HDAC9: variants seen among roughly 807,000 people sequenced by gnomAD.
HDAC9 encodes histone deacetylase 9.
Under a neutral mutation model 139.4 loss-of-function variants are expected in HDAC9, and 41 were observed. The ratio of observed to expected loss-of-function variants is 0.29; its 90% CI spans 0.23 to 0.38. The LOEUF (loss-of-function observed/expected upper bound fraction) is 0.38. Ranked by LOEUF, HDAC9 falls within the 10% of genes least tolerant of loss-of-function variation. The pLI, the probability that HDAC9 is intolerant of heterozygous loss-of-function variation, is 1.00. For synonymous variants in HDAC9, 517 were observed against 476.2 expected, an observed-to-expected ratio of 1.09 and a Z score of -1.12; for missense variants, 1,147 against 1,297.0, an observed-to-expected ratio of 0.88 and a Z score of 1.78.
At chr7:18,335,703 C>A (rs181476223) in intron 1 of HDAC9, among the ~76,000 whole-genome samples, 4 of 151,672 alleles carry the variant, frequency 2.6e-5, no homozygotes, top group Admixed American at 2.0e-4. Flanking sequence ...TGTTTAGAAT[C>A]TCTTTCTCAT....
intron 2 of HDAC9, among the ~76,000 whole-genome samples, chr7:18,566,386 C>A (rs1043457851): frequency 6.6e-6 from 1 of 152,178 alleles, no homozygotes; most frequent in Non-Finnish European, 1.5e-5. Flanking sequence ...GTACCTCTCC[C>A]TTTCTTTACA....
chr7:18,950,866 C>T (rs573961174), intron 23 of HDAC9, among the ~76,000 whole-genome samples: 21 of 151,912 alleles, frequency 1.4e-4, no homozygotes, highest in Non-Finnish European at 2.8e-4. Flanking sequence ...ATTTGGGAAA[C>T]GTCAACACAT....
chr7:18,218,091 T>A (rs116156261), intron 2 of HDAC9, among the ~76,000 whole-genome samples: 1,972 of 152,162 alleles, frequency 0.013, 47 homozygotes, highest in African/African-American at 0.045. Context: ...TGCTGCAGAG[T>A]GAGTGATCCA....
chr7:18,551,841 T>C (rs1372122426), intron 2 of HDAC9, among the ~76,000 whole-genome samples: 1 of 152,222 alleles, frequency 6.6e-6, no homozygotes, highest in African/African-American at 2.4e-5. Context: ...TGAATTTCCT[T>C]GAGCCGTTAT....
chr7:18,697,093 C>G (rs1207509643), intron 12 of HDAC9, among the ~76,000 whole-genome samples: 1 of 152,094 alleles, frequency 6.6e-6, no homozygotes, highest in Non-Finnish European at 1.5e-5. Flanking sequence ...TAAACGATGC[C>G]TGAGGAACGC....
At chr7:18,786,809 T>C (rs1791851019) in intron 16 of HDAC9, among the ~76,000 whole-genome samples, 1 of 93,090 alleles carries the variant, frequency 1.1e-5, no homozygotes, top group East Asian at 2.2e-4. Context: ...CCTTCCTTCC[T>C]TCCTTCCTTC....
chr7:18,598,230 A>G (rs190741154), intron 6 of HDAC9, among the ~76,000 whole-genome samples: 2 of 152,300 alleles, frequency 1.3e-5, no homozygotes, highest in East Asian at 3.9e-4. Context: ...GATATCATTA[A>G]AGATGGCTTA....
At chr7:18,880,747 A>C (rs1032134603) in intron 22 of HDAC9, among the ~76,000 whole-genome samples, 4 of 151,576 alleles carry the variant, frequency 2.6e-5, no homozygotes, top group African/African-American at 9.7e-5. Flanking sequence ...AACCTGTGAC[A>C]TGAATTTACC....
chr7:18,509,756 T>A (rs1441523213), intron 2 of HDAC9, among the ~76,000 whole-genome samples: 1 of 152,122 alleles, frequency 6.6e-6, no homozygotes, highest in East Asian at 1.9e-4. Flanking sequence ...ATTTTTTTTC[T>A]CTTTCTCCCT....
intron 1 of HDAC9, among the ~76,000 whole-genome samples, chr7:18,340,382 G>T (rs1457897748): frequency 6.6e-6 from 1 of 151,350 alleles, no homozygotes; most frequent in Non-Finnish European, 1.5e-5. Context: ...GATATGGTTA[G>T]GTTTAAATCT....
intron 12 of HDAC9, among the ~76,000 whole-genome samples, chr7:18,673,273 T>A (rs1309425116): frequency 6.6e-6 from 1 of 151,968 alleles, no homozygotes; most frequent in Admixed American, 6.6e-5. Flanking sequence ...AACAACAGCA[T>A]GTCTTTAAAA....
chr7:18,961,621 C>T (rs555053847), intron 24 of HDAC9, among the ~76,000 whole-genome samples: 1 of 152,150 alleles, frequency 6.6e-6, no homozygotes, highest in South Asian at 2.1e-4. Flanking sequence ...CAATACAAAC[C>T]CTGTAAGATG....
chr7:18,235,526 A>G (rs1187319552), intron 2 of HDAC9, among the ~76,000 whole-genome samples: 1 of 152,214 alleles, frequency 6.6e-6, no homozygotes, highest in African/African-American at 2.4e-5. Flanking sequence ...GACCGGCAGT[A>G]TTAGAAGTAT....
intron 1 of HDAC9, among the ~76,000 whole-genome samples, chr7:18,301,548 T>C (rs773464714): frequency 2.6e-4 from 39 of 152,196 alleles, no homozygotes; most frequent in Non-Finnish European, 1.0e-4. Flanking sequence ...TTCTTTCTTA[T>C]TACTATCTAA....
intron 3 of HDAC9, among the ~76,000 whole-genome samples, chr7:18,586,259 T>C (rs17432782): frequency 0.028 from 4,244 of 152,228 alleles, 82 homozygotes; most frequent in Non-Finnish European, 0.042. Context: ...TTAAATTTTG[T>C]ATCTTCAGAG....
chr7:18,501,954 G>T (rs1294714002), intron 2 of HDAC9, among the ~76,000 whole-genome samples: 1 of 152,156 alleles, frequency 6.6e-6, no homozygotes, highest in Admixed American at 6.5e-5. Flanking sequence ...AAAGTAGTTG[G>T]GTGGTTAGGC....
intron 6 of HDAC9, among the ~76,000 whole-genome samples, chr7:18,612,354 C>A (rs1249132314): frequency 6.6e-6 from 1 of 151,892 alleles, no homozygotes; most frequent in Non-Finnish European, 1.5e-5. Context: ...AATCATTTCT[C>A]TTTGGATTTA....
intron 22 of HDAC9, among the ~76,000 whole-genome samples, chr7:18,879,833 C>T (rs1032753377): frequency 1.3e-5 from 2 of 152,106 alleles, no homozygotes; most frequent in Non-Finnish European, 2.9e-5. Flanking sequence ...AGCTAAATAG[C>T]CTCTGCACAG....
At chr7:18,242,005 A>G (rs1335175287) in intron 2 of HDAC9, among the ~76,000 whole-genome samples, 1 of 152,162 alleles carries the variant, frequency 6.6e-6, no homozygotes, top group Admixed American at 6.5e-5. Flanking sequence ...TGAGCTTTAG[A>G]TGATGGCTCT....
Sources: gnomAD v4.1 joint callset for allele counts (sites outside exome capture counted in the v4.1 genomes callset) on GRCh38, gnomAD v4.1.1 for gene constraint, MANE v1.5 for transcripts, NCBI Gene and HGNC (gene_info 2026-07-23, HGNC 2026-07-21) for gene names.